Variants in CDH18 observed in about 807,000 individuals in gnomAD.
CDH18 encodes the protein cadherin-18.
CDH18 carries 31 observed loss-of-function variants against 67.9 expected under a neutral mutation model. The observed-to-expected ratio is 0.46, with a 90% CI of 0.34 to 0.62. The LOEUF is 0.62. Among genes scored for constraint, CDH18 ranks in the 20% least tolerant of loss-of-function variants. The pLI is 0.01. For missense variants in CDH18, 890 were observed against 975.5 expected (o/e 0.91, Z 1.17); for synonymous variants, 362 against 347.2 (o/e 1.04, Z -0.48).
intron 10 of CDH18, among the ~76,000 whole-genome samples, chr5:19,509,864 T>C (rs1020897152): frequency 3.9e-5 from 6 of 152,148 alleles, no homozygotes; most frequent in African/African-American, 1.4e-4. Context: ...TTCTTTTTAA[T>C]ATTTTTCTCA....
chr5:19,556,597 C>T lies in CDH18; in HGVS notation c.1254-12592G>A, dbSNP rs541849906. Among the ~76,000 whole-genome samples the T allele has an allele frequency of 7.9e-5, 12 of 151,902 alleles. No homozygotes were observed. The South Asian group carries it at 1.7e-3, about 21-fold the overall frequency. On this transcript the variant is annotated intron_variant, in intron 8 of 12. Transcript: ENST00000382275. Reference sequence around the variant, plus strand: ...AAAAAGAAAAAAAAAATTTAAAAAACGAGCAAAGCCTCCAAGAAGTTTGGA... The same window carrying T: ...AAAAAGAAAAAAAAAATTTAAAAAATGAGCAAAGCCTCCAAGAAGTTTGGA...
intron 3 of CDH18, among the ~76,000 whole-genome samples, chr5:19,813,301 C>A (rs1778943009): frequency 6.6e-6 from 1 of 151,622 alleles, no homozygotes; most frequent in African/African-American, 2.4e-5. Context: ...AAAAAAATTA[C>A]AATAGGCACA....
chr5:19,982,665 AT>A lies in CDH18; in HGVS notation c.-375-1488del, dbSNP rs1799174384. Among the ~76,000 whole-genome samples the A allele has an allele frequency of 3.9e-5, 6 of 152,202 alleles. No individual in the cohort carries two copies. In the Middle Eastern group the frequency reaches 0.02, roughly 518 times the overall value. On this transcript the variant is annotated intron_variant, in intron 1 of 12. Coordinates refer to ENST00000382275, the MANE Select transcript of CDH18 (RefSeq NM_004934.5). The stretch of plus-strand genomic sequence containing the variant: ...ATTGCTTTTTAAAATCGATATATTG[AT>A]TTTCACTTCCACCAGGCAGGAGTAA...
At chr5:20,070,857 C>T (rs866070631) in intron 2 of CDH18, among the ~76,000 whole-genome samples, 8 of 152,120 alleles carry the variant, frequency 5.3e-5, no homozygotes, top group South Asian at 2.1e-4. Context: ...TATGACTCAA[C>T]AGAAAGTGAT....
At chr5:19,895,773 A>C (rs1318711089) in intron 2 of CDH18, among the ~76,000 whole-genome samples, 1 of 152,182 alleles carries the variant, frequency 6.6e-6, no homozygotes, top group Non-Finnish European at 1.5e-5. Flanking sequence ...TTACATATTA[A>C]ATGACTTTAC....
intron 12 of CDH18, among the ~76,000 whole-genome samples, chr5:19,475,060 T>C (rs1738210304): frequency 6.6e-6 from 1 of 152,058 alleles, no homozygotes. Flanking sequence ...TGATGCCCAT[T>C]AATATTTTTA....
intron 5 of CDH18, among the ~76,000 whole-genome samples, chr5:19,719,943 A>AAGAAAG (rs1181171618): frequency 6.7e-6 from 1 of 149,874 alleles, no homozygotes; most frequent in East Asian, 1.9e-4. Context: ...GAAAGAAAGA[A>AAGAAAG]AGAAAGAAAG....
intron 2 of CDH18, among the ~76,000 whole-genome samples, chr5:20,182,349 T>C (rs1361502984): frequency 6.6e-6 from 1 of 151,942 alleles, no homozygotes; most frequent in Non-Finnish European, 1.5e-5. Context: ...ATGCCTACAA[T>C]TGCAGAACTT....
intron 9 of CDH18, among the ~76,000 whole-genome samples, chr5:19,542,673 T>C (rs1750461388): frequency 1.3e-5 from 2 of 152,146 alleles, no homozygotes; most frequent in Non-Finnish European, 2.9e-5. Context: ...AGACTACCTA[T>C]TATATGATTA....
At chr5:20,518,439 G>A (rs891401828) in intron 1 of CDH18, among the ~76,000 whole-genome samples, 1 of 152,042 alleles carries the variant, frequency 6.6e-6, no homozygotes, top group African/African-American at 2.4e-5. Flanking sequence ...GATTATGTGG[G>A]CTCCCTTTTT....
At chr5:19,695,038 G>A (rs1762369002) in intron 5 of CDH18, among the ~76,000 whole-genome samples, 1 of 152,160 alleles carries the variant, frequency 6.6e-6, no homozygotes, top group Non-Finnish European at 1.5e-5. Context: ...AGTGTGGACT[G>A]AACTCAGAGC....
In CDH18 at chr5:20,508,003, C is replaced by T. The variant is rs145353631; in HGVS notation, c.-580+67459G>A. ...CTATATGACAATATTTAAGTGTTTT[C>T]CATTTATCAAGGAAGAAAGTTATCA... On this transcript the variant is annotated intron_variant, in intron 1 of 14. Coordinates refer to the CDH18 transcript ENST00000507958. Among the ~76,000 whole-genome samples, 483 of 151,840 alleles carry T rather than the reference C, an allele frequency of 3.2e-3. 3 individuals are homozygous for T. Among genetic ancestry groups the T allele is most frequent in the African/African-American group, 0.011 (456 of 41,470 alleles).
chr5:19,532,736 G>A (rs997748817), intron 9 of CDH18, among the ~76,000 whole-genome samples: 3 of 152,242 alleles, frequency 2.0e-5, no homozygotes, highest in South Asian at 2.1e-4. Flanking sequence ...TTCGAACTGC[G>A]GTGGAAGTGA....
chr5:19,809,919 A>C (rs1051602654), intron 3 of CDH18, among the ~76,000 whole-genome samples: 3 of 152,202 alleles, frequency 2.0e-5, no homozygotes, highest in African/African-American at 7.2e-5. Flanking sequence ...CACTTCCAAT[A>C]GTGAATAGAC....
At chr5:19,720,299 A>G (rs4357040) in intron 5 of CDH18, among the ~76,000 whole-genome samples, 13,154 of 152,116 alleles carry the variant, frequency 0.086, 1,200 homozygotes, top group East Asian at 0.25. Flanking sequence ...TTTTTGTATT[A>G]GTTATGTGGC....
intron 1 of CDH18, among the ~76,000 whole-genome samples, chr5:20,344,205 T>C (rs774269977): frequency 5.3e-5 from 8 of 152,136 alleles, no homozygotes; most frequent in Non-Finnish European, 1.0e-4. Context: ...AACTTACCAA[T>C]TGGCCCAAAG....
chr5:20,184,820 G>A (rs565022182), intron 2 of CDH18, among the ~76,000 whole-genome samples: 1 of 152,208 alleles, frequency 6.6e-6, no homozygotes, highest in South Asian at 2.1e-4. Flanking sequence ...AAGAGGCACT[G>A]TCTAGGACCA....
Position 19,917,810 on chromosome 5 carries a change from G to C in CDH18, c.-257+63250C>G, listed in dbSNP as rs553900742. 1.6e-3 allele frequency among the ~76,000 whole-genome samples: 250 copies of C among 152,244 alleles called. 2 individuals are homozygous for C. The highest frequency in any genetic ancestry group is 3.4e-3 in the Middle Eastern group (1 of 294). On this transcript the variant is annotated intron_variant, in intron 2 of 12. Coordinates refer to ENST00000382275, the MANE Select transcript of CDH18 (RefSeq NM_004934.5). ...TACTCTAAAAATATGTGCTGAGCTA[G>C]ATTGCATAACATAATGTGGTCAAAA...
At chr5:19,533,061 T>C (rs1420347280) in intron 9 of CDH18, among the ~76,000 whole-genome samples, 1 of 152,100 alleles carries the variant, frequency 6.6e-6, no homozygotes, top group African/African-American at 2.4e-5. Flanking sequence ...TTGAGAGCTA[T>C]CCAATCCATG....
Sources: gnomAD v4.1 joint callset for allele counts (sites outside exome capture counted in the v4.1 genomes callset) on GRCh38, gnomAD v4.1.1 for gene constraint, MANE v1.5 for transcripts, NCBI Gene and HGNC (gene_info 2026-07-23, HGNC 2026-07-21) for gene names.